Variants in TMEM132B observed in about 807,000 individuals in gnomAD.
The protein encoded by TMEM132B is transmembrane protein 132B.
TMEM132B carries 18 observed loss-of-function variants against 90.8 expected under a neutral mutation model. The observed-to-expected ratio is 0.20, with a 90% confidence interval of 0.14 to 0.29. The LOEUF (loss-of-function observed/expected upper bound fraction) is 0.29. TMEM132B is among the 10% of genes least tolerant of loss of function. The pLI, the probability that TMEM132B is intolerant of heterozygous loss-of-function variation, is 1.00. For missense variants in TMEM132B, 1,096 were observed against 1,326.8 expected, an observed-to-expected ratio of 0.83 and a Z score of 2.70; for synonymous variants, 504 against 523.3, an observed-to-expected ratio of 0.96 and a Z score of 0.50.
chr12:125,311,267 G>A (rs1446543656), intron 1 of TMEM132B, among the ~76,000 whole-genome samples: 1 of 152,190 alleles, frequency 6.6e-6, no homozygotes, highest in Non-Finnish European at 1.5e-5. Context: ...CAAGAGCGGT[G>A]CCATTTTGAT....
rs1171848683 is a variant in TMEM132B, at chr12:125,246,170, T to G, written c.67+59304T>G. ...TTCCGCTTCATGACAGTGATAGCTC[T>G]CAGTATTGACTGGACTGGAGGTCGC... On this transcript the variant is annotated intron_variant, in intron 1 of 8. Coordinates refer to ENST00000682704, the MANE Select transcript of TMEM132B (RefSeq NM_001366854.1). The surrounding 1 kb of genome is among the most constrained non-coding windows in gnomAD (Gnocchi z 4.2). 6.6e-6 allele frequency among the ~76,000 whole-genome samples: 1 copy of G among 152,204 alleles called. No individual in the cohort carries two copies. The highest frequency in any genetic ancestry group is 6.5e-5 in the Admixed American group (1 of 15,276).
intron 3 of TMEM132B, among the ~76,000 whole-genome samples, chr12:125,513,924 AG>A (rs1342699562): frequency 6.6e-6 from 1 of 152,212 alleles, no homozygotes; most frequent in East Asian, 1.9e-4. Flanking sequence ...CTAGTAAGAC[AG>A]GAGTCTCATC....
intron 4 of TMEM132B, among the ~76,000 whole-genome samples, chr12:125,532,663 C>T (rs1036857934): frequency 2.6e-5 from 4 of 151,856 alleles, no homozygotes; most frequent in South Asian, 2.1e-4. Flanking sequence ...TATAGGTGTG[C>T]GCCACCATGC....
chr12:125,515,498 C>A (rs2136645468), intron 3 of TMEM132B, among the ~76,000 whole-genome samples: 1 of 151,688 alleles, frequency 6.6e-6, no homozygotes, highest in East Asian at 1.9e-4. Flanking sequence ...CACACACATA[C>A]ATTGACACAT....
intron 3 of TMEM132B, among the ~76,000 whole-genome samples, chr12:125,468,222 A>G (rs956824023): frequency 1.3e-5 from 2 of 151,682 alleles, no homozygotes; most frequent in African/African-American, 2.4e-5. Flanking sequence ...TTACATTTCC[A>G]CCAGCTATGT....
At chr12:125,384,844 G>A (rs1419247551) in intron 2 of TMEM132B, among the ~76,000 whole-genome samples, 1 of 152,168 alleles carries the variant, frequency 6.6e-6, no homozygotes, top group Non-Finnish European at 1.5e-5. Flanking sequence ...TAGAAATGGG[G>A]TTTCACCATG....
At chr12:125,525,771 C>A (rs1883436613) in intron 4 of TMEM132B, among the ~76,000 whole-genome samples, 1 of 152,108 alleles carries the variant, frequency 6.6e-6, no homozygotes, top group South Asian at 2.1e-4. Context: ...GCTAAAAGGG[C>A]CTCGGTTATG....
At chr12:125,563,056 G>C (rs984989323) in intron 4 of TMEM132B, among the ~76,000 whole-genome samples, 1 of 151,752 alleles carries the variant, frequency 6.6e-6, no homozygotes, top group Non-Finnish European at 1.5e-5. Context: ...ACACTGTTAA[G>C]TTTGCATCTC....
At chr12:125,475,451 A>G (rs1383955642) in intron 3 of TMEM132B, among the ~76,000 whole-genome samples, 2 of 152,066 alleles carry the variant, frequency 1.3e-5, no homozygotes, top group African/African-American at 2.4e-5. Flanking sequence ...GCCAAAGGAG[A>G]TTAACATTTG....
intron 3 of TMEM132B, among the ~76,000 whole-genome samples, chr12:125,463,658 C>T (rs1053962922): frequency 7.2e-5 from 11 of 152,100 alleles, no homozygotes; most frequent in African/African-American, 2.4e-4. Context: ...TCATGACCTA[C>T]CTCCAGCTTC....
intron 6 of TMEM132B, among the ~76,000 whole-genome samples, chr12:125,645,090 C>T (rs1049354297): frequency 3.3e-5 from 5 of 151,900 alleles, no homozygotes; most frequent in Admixed American, 6.6e-5. Flanking sequence ...TGGTGGTGGG[C>T]GCCTATAGTC....
chr12:125,422,482 C>T (rs867123273), intron 3 of TMEM132B, among the ~76,000 whole-genome samples: 1 of 152,224 alleles, frequency 6.6e-6, no homozygotes, highest in African/African-American at 2.4e-5. Context: ...AGCAGGCCAC[C>T]TGGCATGTGG....
At chr12:125,403,948 C>A (rs143256262) in intron 2 of TMEM132B, among the ~76,000 whole-genome samples, 108 of 152,232 alleles carry the variant, frequency 7.1e-4, no homozygotes, top group African/African-American at 2.5e-3. Flanking sequence ...GCTCTGGGAT[C>A]TTTGATCTAA....
chr12:125,352,003 C>T (rs1877602007), intron 2 of TMEM132B, among the ~76,000 whole-genome samples: 1 of 152,200 alleles, frequency 6.6e-6, no homozygotes, highest in Admixed American at 6.5e-5. Flanking sequence ...ATTGACAGAA[C>T]CAAACAAGGA....
At chr12:125,295,964 A>G (rs1213626457) in intron 1 of TMEM132B, among the ~76,000 whole-genome samples, 11 of 152,154 alleles carry the variant, frequency 7.2e-5, no homozygotes, top group Non-Finnish European at 1.3e-4. Flanking sequence ...ACTTTATATG[A>G]GTATGCTTTT....
rs1444806569 is a variant in TMEM132B at position 125,656,234 on chromosome 12, G to C, written c.*1524G>C. On this transcript the variant is annotated 3_prime_UTR_variant, in exon 9 of 9. Coordinates refer to ENST00000682704, the MANE Select transcript of TMEM132B (RefSeq NM_001366854.1). ...AGTATGCCTCATTATGAGCTTTACT[G>C]AGCCATTTGCATCTCTAAGAAATAT... The C allele has an allele frequency of 1.3e-5, 2 of 152,158 alleles. No individual in the cohort carries two copies. Among genetic ancestry groups the C allele is most frequent in the African/African-American group, 4.8e-5 (2 of 41,438 alleles). 9.4% of individuals were successfully genotyped at this position (152,158 alleles called of 1,614,324 possible). A position where few individuals can be genotyped will look rare whatever the true frequency, so the allele number is the denominator to read the frequency against.
intron 4 of TMEM132B, among the ~76,000 whole-genome samples, chr12:125,572,245 A>G (rs1040450023): frequency 2.0e-5 from 3 of 152,190 alleles, no homozygotes; most frequent in African/African-American, 7.2e-5. Flanking sequence ...GTCTCCCAAA[A>G]TCCATGCGTT....
chr12:125,360,827 A>G (rs2136249800), intron 2 of TMEM132B, among the ~76,000 whole-genome samples: 1 of 151,860 alleles, frequency 6.6e-6, no homozygotes, highest in East Asian at 1.9e-4. Context: ...TATGCCTAGG[A>G]AGCTCTCGAG....
In TMEM132B at chr12:125,347,330, G is replaced by A. The variant is rs561097643; in HGVS notation, c.68-2122G>A. Among the ~76,000 whole-genome samples the A allele has an allele frequency of 1.1e-4, 17 of 152,286 alleles. No individual in the cohort carries two copies. In the South Asian group the frequency reaches 3.5e-3, roughly 32 times the overall value. The stretch of plus-strand genomic sequence containing the variant: ...GGAATGAATAAGTAATTACCCTGCT[G>A]GAGTAATGAATCTAACAAGGGACTG... On this transcript the variant is annotated intron_variant, in intron 1 of 8. Transcript: ENST00000682704.
Sources: allele counts gnomAD v4.1 joint callset (sites outside exome capture counted in the v4.1 genomes callset), GRCh38; gene constraint gnomAD v4.1.1; non-coding constraint Gnocchi (gnomAD v3.1); transcripts MANE v1.5; gene names NCBI Gene and HGNC (gene_info 2026-07-23, HGNC 2026-07-21).